The following ADAMTS17 variants were observed in gnomAD, a reference collection of about 807,000 sequenced individuals.
ADAMTS17 encodes A disintegrin and metalloproteinase with thrombospondin motifs 17.
Under a neutral mutation model 141.5 loss-of-function variants are expected in ADAMTS17, and 113 were observed. The observed-to-expected ratio is 0.80, with a 90% CI of 0.69 to 0.93. The LOEUF (loss-of-function observed/expected upper bound fraction) is 0.93, where lower values mean the gene tolerates loss of function less well. Ranked by LOEUF, ADAMTS17 falls within the 40% of genes least tolerant of loss-of-function variation. The pLI is 0.00. For synonymous variants in ADAMTS17, 768 were observed against 630.6 expected, an observed-to-expected ratio of 1.22 and a Z score of -3.27; for missense variants, 1,659 against 1,517.9, an observed-to-expected ratio of 1.09 and a Z score of -1.54.
At chr15:100,154,741 C>G (rs771136162) in intron 9 of ADAMTS17, among the ~76,000 whole-genome samples, 2 of 152,170 alleles carry the variant, frequency 1.3e-5, no homozygotes, top group Non-Finnish European at 2.9e-5. Flanking sequence ...CTCCCCTCCC[C>G]AGAGGTGAGG....
chr15:100,303,707 A>T (rs1199988305), intron 3 of ADAMTS17, among the ~76,000 whole-genome samples: 3 of 152,018 alleles, frequency 2.0e-5, no homozygotes, highest in African/African-American at 7.2e-5. Flanking sequence ...CTTTTTTAAA[A>T]TTTATTTTAT....
chr15:100,157,375 A>G (rs1031167847), intron 8 of ADAMTS17, among the ~76,000 whole-genome samples: 6 of 152,238 alleles, frequency 3.9e-5, no homozygotes, highest in Non-Finnish European at 8.8e-5. Context: ...AAGTTAAAAC[A>G]AAATGTCTAA....
chr15:100,208,546 G>T (rs2041668837), intron 7 of ADAMTS17, among the ~76,000 whole-genome samples: 1 of 152,134 alleles, frequency 6.6e-6, no homozygotes, highest in Admixed American at 6.5e-5. Flanking sequence ...ACCCCAGAGG[G>T]ACTAGTGACC....
intron 15 of ADAMTS17, among the ~76,000 whole-genome samples, chr15:100,063,170 G>A (rs916123098): frequency 1.3e-5 from 2 of 152,230 alleles, no homozygotes; most frequent in Non-Finnish European, 2.9e-5. Flanking sequence ...AGTCAATGGA[G>A]CTGGCCACTA....
chr15:100,122,258 T>C (rs755222828), intron 12 of ADAMTS17, among the ~76,000 whole-genome samples: 3 of 152,222 alleles, frequency 2.0e-5, no homozygotes, highest in East Asian at 1.9e-4. Context: ...CCACCTGTTA[T>C]AGCTAATATT....
chr15:99,978,799 A>G (rs9920286), intron 20 of ADAMTS17: 1 of 152,180 alleles, frequency 6.6e-6, no homozygotes, highest in Non-Finnish European at 1.5e-5. Context: ...ATCCCACACC[A>G]ATACAATCCG....
chr15:100,217,073 T>C (rs187999727), intron 7 of ADAMTS17, among the ~76,000 whole-genome samples: 4 of 151,986 alleles, frequency 2.6e-5, no homozygotes, highest in Non-Finnish European at 4.4e-5. Flanking sequence ...AACAGGGACA[T>C]GAGACATGGG....
At chr15:100,317,762 T>A (rs2045611755) in intron 3 of ADAMTS17, among the ~76,000 whole-genome samples, 1 of 152,196 alleles carries the variant, frequency 6.6e-6, no homozygotes, top group South Asian at 2.1e-4. Context: ...TCTTCTCATG[T>A]TATGGTGACA....
chr15:100,081,353 T>A (rs1245302988), intron 15 of ADAMTS17, among the ~76,000 whole-genome samples: 2 of 152,154 alleles, frequency 1.3e-5, no homozygotes, highest in Non-Finnish European at 2.9e-5. Flanking sequence ...AACTCCCCTA[T>A]ATATATATGC....
Position 99,977,481 on chromosome 15 carries a change from G to A in ADAMTS17, c.2950-1259C>T, listed in dbSNP as rs111487985. On this transcript the variant is annotated intron_variant, in intron 20 of 21. Transcript: ENST00000268070. ...GGCTGGAGTGCAGTGGCGCAATCTCGGCTCACTGTGCAACCTCCACCTCCC... is the reference window on the plus strand; with the variant it reads ...GGCTGGAGTGCAGTGGCGCAATCTCAGCTCACTGTGCAACCTCCACCTCCC... 3.7e-5 allele frequency among the ~76,000 whole-genome samples: 5 copies of A among 136,838 alleles called. 1 individual carries two copies. The highest frequency in any genetic ancestry group is 2.3e-4 in the East Asian group (1 of 4,442). The allele number at this position is 136,838 out of a possible 152,430, so 89.8% of individuals were successfully genotyped here.
intron 12 of ADAMTS17, among the ~76,000 whole-genome samples, chr15:100,125,669 C>G (rs1004330917): frequency 2.6e-5 from 4 of 152,156 alleles, no homozygotes; most frequent in African/African-American, 9.7e-5. Flanking sequence ...GATGCATTTT[C>G]TACCCTGCAG....
chr15:100,272,029 A>G (rs200613639), intron 4 of ADAMTS17, among the ~76,000 whole-genome samples: 16 of 95,870 alleles, frequency 1.7e-4, no homozygotes, highest in African/African-American at 5.2e-4. Context: ...GACCATATAT[A>G]TGTGTTAATT....
At chr15:100,266,474 G>A (rs2043720895) in intron 4 of ADAMTS17, among the ~76,000 whole-genome samples, 1 of 152,202 alleles carries the variant, frequency 6.6e-6, no homozygotes, top group African/African-American at 2.4e-5. Context: ...GCAGGCAGAA[G>A]CATATTTTAA....
chr15:100,120,748 G>T (rs1182489307), intron 12 of ADAMTS17, among the ~76,000 whole-genome samples: 1 of 152,110 alleles, frequency 6.6e-6, no homozygotes, highest in East Asian at 1.9e-4. Context: ...CTGGGGAAGG[G>T]GTACAATCTA....
intron 3 of ADAMTS17, among the ~76,000 whole-genome samples, chr15:100,297,306 A>G (rs940783572): frequency 6.6e-6 from 1 of 152,112 alleles, no homozygotes; most frequent in Non-Finnish European, 1.5e-5. Context: ...ATGTGTTAAG[A>G]GCTTTCTTCT....
At chr15:100,201,218 G>C (rs1248438775) in intron 7 of ADAMTS17, among the ~76,000 whole-genome samples, 1 of 152,174 alleles carries the variant, frequency 6.6e-6, no homozygotes. Context: ...GTCAGGGAGG[G>C]ACCGGGTGGG....
intron 15 of ADAMTS17, among the ~76,000 whole-genome samples, chr15:100,060,736 A>T (rs2033052732): frequency 6.6e-6 from 1 of 152,212 alleles, no homozygotes. Flanking sequence ...TATGGATACA[A>T]ACTGCCCAGG....
intron 7 of ADAMTS17, among the ~76,000 whole-genome samples, chr15:100,238,232 T>A (rs1381983844): frequency 6.6e-6 from 1 of 152,196 alleles, no homozygotes; most frequent in Non-Finnish European, 1.5e-5. Flanking sequence ...CTTTGGCCAC[T>A]CCAGGTAAAA....
rs1250839458 is a variant in ADAMTS17 at position 100,058,220 on chromosome 15, TCCAACACTC to T, written c.2138-4175_2138-4167del. ...CCAGCTCCAACACCCCTATTCCGGC[TCCAACACTC>T]CTATCCCAGCTCTGACCCTCCTATC... On this transcript the variant is annotated intron_variant, in intron 15 of 21. Coordinates refer to ENST00000268070, the MANE Select transcript of ADAMTS17 (RefSeq NM_139057.4). 3.8e-4 allele frequency among the ~76,000 whole-genome samples: 8 copies of T among 21,012 alleles called. 2 individuals carry two copies. The highest frequency in any genetic ancestry group is 2.0e-3 in the South Asian group (1 of 496). 13.8% of individuals were successfully genotyped at this position (21,012 alleles called of 152,430 possible).
Sources: gnomAD v4.1 joint callset for allele counts (sites outside exome capture counted in the v4.1 genomes callset) on GRCh38, gnomAD v4.1.1 for gene constraint, MANE v1.5 for transcripts, NCBI Gene and HGNC (gene_info 2026-07-23, HGNC 2026-07-21) for gene names.